The following TEAD1 variants were observed in gnomAD, a reference collection of about 807,000 sequenced individuals.
TEAD1 encodes the protein TEA domain transcription factor 1.
Under a neutral mutation model 54.9 loss-of-function variants are expected in TEAD1, and 9 were observed. That is an observed-to-expected ratio of 0.16 (90% CI 0.10 to 0.29). The LOEUF (loss-of-function observed/expected upper bound fraction) is 0.29. Ranked by LOEUF, TEAD1 falls within the 10% of genes least tolerant of loss-of-function variation. The probability of loss-of-function intolerance (pLI) is 1.00; values close to 1 mark genes in which losing one functional copy is unlikely to be tolerated. For missense variants in TEAD1, 387 were observed against 535.9 expected (o/e 0.72, Z 2.74); for synonymous variants, 200 against 187.8 (o/e 1.07, Z -0.53).
chr11:12,784,713 C>T (rs1945641310), intron 3 of TEAD1, among the ~76,000 whole-genome samples: 1 of 152,138 alleles, frequency 6.6e-6, no homozygotes, highest in South Asian at 2.1e-4. Context: ...CTGTGGCCCC[C>T]TAGGGTGAGT....
chr11:12,880,524 A>G (rs1022385500), intron 6 of TEAD1, among the ~76,000 whole-genome samples: 2 of 152,124 alleles, frequency 1.3e-5, no homozygotes, highest in South Asian at 2.1e-4. Flanking sequence ...GCCCACACCA[A>G]TCGCAGCAGG....
At chr11:12,811,902 T>G (rs1590174971) in intron 3 of TEAD1, among the ~76,000 whole-genome samples, 1 of 151,740 alleles carries the variant, frequency 6.6e-6, no homozygotes, top group Admixed American at 6.6e-5. Flanking sequence ...ATGTCTGGGG[T>G]GGTGTTGTAG....
chr11:12,680,522 C>G (rs1359613696), intron 2 of TEAD1, among the ~76,000 whole-genome samples: 2 of 152,226 alleles, frequency 1.3e-5, no homozygotes, highest in African/African-American at 2.4e-5. Flanking sequence ...AGCGCATTGT[C>G]TGCTTGCAGC....
intron 3 of TEAD1, among the ~76,000 whole-genome samples, chr11:12,804,570 C>T (rs549121278): frequency 1.1e-4 from 16 of 152,254 alleles, no homozygotes; most frequent in Admixed American, 4.6e-4. Flanking sequence ...AATGGGAGAT[C>T]AGTACTATGT....
chr11:12,710,889 G>A (rs1335125116), intron 2 of TEAD1, among the ~76,000 whole-genome samples: 2 of 152,128 alleles, frequency 1.3e-5, no homozygotes, highest in African/African-American at 4.8e-5. Context: ...AGCGTCTCCT[G>A]GAAGGGGATG....
intron 10 of TEAD1, among the ~76,000 whole-genome samples, chr11:12,917,764 T>C (rs1283175703): frequency 6.6e-6 from 1 of 152,212 alleles, no homozygotes; most frequent in African/African-American, 2.4e-5. Context: ...AGGGTCTCTG[T>C]TTCTAGAGCA....
chr11:12,780,738 C>T (rs1945524715), intron 3 of TEAD1, among the ~76,000 whole-genome samples: 1 of 152,158 alleles, frequency 6.6e-6, no homozygotes, highest in Non-Finnish European at 1.5e-5. Context: ...ATTCTGTGTT[C>T]ATGGGTTGGA....
In TEAD1 at chr11:12,938,822, G is replaced by GA. The variant is rs1300475842; in HGVS notation, c.*1603dup. 5.9e-5 allele frequency: 9 copies of GA among 152,240 alleles called. No homozygotes were observed. The highest frequency in any genetic ancestry group is 2.2e-4 in the African/African-American group (9 of 41,464). The allele number at this position is 152,240 out of a possible 1,614,324, so 9.4% of individuals were successfully genotyped here. On this transcript the variant is annotated 3_prime_UTR_variant, in exon 13 of 13. Transcript: ENST00000527636. ...GGGAGTGCTCCTCCAGCTTCCCAAAGAAATATGTTTTTGTAAGTGGTAGGA... is the reference window on the plus strand; with the variant it reads ...GGGAGTGCTCCTCCAGCTTCCCAAAGAAAATATGTTTTTGTAAGTGGTAGGA...
chr11:12,816,467 C>T (rs1030942328), intron 3 of TEAD1, among the ~76,000 whole-genome samples: 9 of 152,292 alleles, frequency 5.9e-5, no homozygotes, highest in South Asian at 2.1e-4. Context: ...TTAAGTTACC[C>T]CGCCCCCTTT....
intron 3 of TEAD1, among the ~76,000 whole-genome samples, chr11:12,805,525 A>G (rs1946151205): frequency 6.6e-6 from 1 of 152,362 alleles, no homozygotes; most frequent in East Asian, 1.9e-4. Context: ...TATTATTATA[A>G]AAATGATCTC....
At chr11:12,786,502 G>C (rs897743327) in intron 3 of TEAD1, among the ~76,000 whole-genome samples, 1 of 152,194 alleles carries the variant, frequency 6.6e-6, no homozygotes, top group Non-Finnish European at 1.5e-5. Flanking sequence ...AATTGGAATT[G>C]CAGATAAACA....
chr11:12,742,731 T>C (rs1944671845), intron 2 of TEAD1, among the ~76,000 whole-genome samples: 5 of 152,146 alleles, frequency 3.3e-5, no homozygotes, highest in Admixed American at 1.3e-4. Context: ...AATAAAACTT[T>C]AAAAAAGGAA....
intron 10 of TEAD1, among the ~76,000 whole-genome samples, chr11:12,904,280 A>G (rs1308115055): frequency 6.6e-6 from 1 of 152,174 alleles, no homozygotes; most frequent in Non-Finnish European, 1.5e-5. Context: ...TATCACATCA[A>G]GGAAAACAAA....
At chr11:12,777,538 T>G (rs1192899911) in intron 3 of TEAD1, among the ~76,000 whole-genome samples, 1 of 152,192 alleles carries the variant, frequency 6.6e-6, no homozygotes, top group East Asian at 1.9e-4. Flanking sequence ...AGAGGTTTGG[T>G]GCATGATAAT....
chr11:12,907,061 T>C (rs1302655476), intron 10 of TEAD1, among the ~76,000 whole-genome samples: 1 of 152,212 alleles, frequency 6.6e-6, no homozygotes, highest in Non-Finnish European at 1.5e-5. Context: ...TGTTTAACAT[T>C]TTAAGATACT....
At chr11:12,733,669 G>A (rs1421056143) in intron 2 of TEAD1, among the ~76,000 whole-genome samples, 1 of 152,176 alleles carries the variant, frequency 6.6e-6, no homozygotes, top group Non-Finnish European at 1.5e-5. Context: ...GAGAAGGTGA[G>A]TTTGTATTTC....
At chr11:12,769,328 A>G (rs10831907) in intron 3 of TEAD1, among the ~76,000 whole-genome samples, 52,999 of 151,960 alleles carry the variant, frequency 0.35, 9,830 homozygotes, top group South Asian at 0.61. Context: ...TCTTTACTTC[A>G]TAGGAGCAGA....
At chr11:12,885,825 C>T (rs1048422205) in intron 9 of TEAD1, among the ~76,000 whole-genome samples, 3 of 152,196 alleles carry the variant, frequency 2.0e-5, no homozygotes, top group Non-Finnish European at 4.4e-5. Flanking sequence ...TTGGGCTAAA[C>T]ATTTTGAATC....
intron 9 of TEAD1, among the ~76,000 whole-genome samples, chr11:12,884,478 C>G (rs548405887): frequency 6.6e-6 from 1 of 152,268 alleles, no homozygotes; most frequent in South Asian, 2.1e-4. Flanking sequence ...GGTAGATAAC[C>G]GAGATGCTGA....
Sources: allele counts gnomAD v4.1 joint callset (sites outside exome capture counted in the v4.1 genomes callset), GRCh38; gene constraint gnomAD v4.1.1; transcripts MANE v1.5; gene names NCBI Gene and HGNC (gene_info 2026-07-23, HGNC 2026-07-21).